Variants in COL21A1 observed in about 807,000 individuals in gnomAD.
The protein encoded by COL21A1 is collagen type XXI alpha 1 chain, also known as collagen alpha-1(XXI) chain.
In COL21A1, 149 loss-of-function variants were observed where a neutral mutation model predicts 137.9. The ratio of observed to expected loss-of-function variants is 1.08; its 90% CI spans 0.95 to 1.24. The LOEUF is 1.24. Ranked by LOEUF, COL21A1 falls within the 50% of genes most tolerant of loss-of-function variation. The pLI is 0.00. For missense variants in COL21A1, 1,167 were observed against 1,158.4 expected (o/e 1.01, Z -0.11); for synonymous variants, 456 against 391.5 (o/e 1.16, Z -1.95).
chr6:56,254,532 G>T (rs1782924658), intron 1 of COL21A1, among the ~76,000 whole-genome samples: 1 of 152,144 alleles, frequency 6.6e-6, no homozygotes, highest in Admixed American at 6.5e-5. Flanking sequence ...AACAGGCTGG[G>T]ATCAATAACA....
Position 56,061,013 on chromosome 6 carries a change from C to A in COL21A1, c.2230G>T (p.Val744Phe). The change falls in exon 26 of 30, where the codon GTC (valine) becomes TTC (phenylalanine). Residue 744 changes from valine (V) to phenylalanine (F), a missense_variant. Coordinates refer to ENST00000244728, the MANE Select transcript of COL21A1 (RefSeq NM_030820.4). ...GERGEKGEPG[V>F]RGAIGSKGES... ...CCTTTTGATCCAATGGCACCTCGGA[C>A]ACCAGGTTCTCCCTTTTCACCTCTC... 1.2e-6 allele frequency: 2 copies of A among 1,607,044 alleles called. No individual in the cohort carries two copies. Among genetic ancestry groups the A allele is most frequent in the Non-Finnish European group, 1.7e-6 (2 of 1,177,578 alleles).
chr6:56,317,499 T>G (rs1021025327), intron 1 of COL21A1, among the ~76,000 whole-genome samples: 1 of 152,130 alleles, frequency 6.6e-6, no homozygotes, highest in Non-Finnish European at 1.5e-5. Flanking sequence ...CTCTCATAAC[T>G]TTTAGAAATT....
At chr6:56,148,270 T>A (rs1303389639) in intron 10 of COL21A1, among the ~76,000 whole-genome samples, 2 of 150,842 alleles carry the variant, frequency 1.3e-5, no homozygotes, top group Non-Finnish European at 2.9e-5. Flanking sequence ...AGCAATAAAC[T>A]GCCCAAGGGT....
chr6:56,390,293 T>C (rs1395753373), intron 1 of COL21A1, among the ~76,000 whole-genome samples: 1 of 152,152 alleles, frequency 6.6e-6, no homozygotes, highest in African/African-American at 2.4e-5. Context: ...TAAGATGTTA[T>C]TTGCAAGCCT....
intron 16 of COL21A1, among the ~76,000 whole-genome samples, chr6:56,113,104 G>C (rs1771596175): frequency 6.6e-6 from 1 of 152,204 alleles, no homozygotes; most frequent in Non-Finnish European, 1.5e-5. Context: ...AAGTAAACTT[G>C]AAAGGGAGCC....
chr6:56,162,762 A>G (rs1440520094), intron 9 of COL21A1, among the ~76,000 whole-genome samples: 1 of 152,244 alleles, frequency 6.6e-6, no homozygotes, highest in Non-Finnish European at 1.5e-5. Context: ...TTATATGAAC[A>G]TATATATTTT....
At chr6:56,260,685 A>C (rs374125382) in intron 1 of COL21A1, among the ~76,000 whole-genome samples, 16,413 of 102,714 alleles carry the variant, frequency 0.16, 1,833 homozygotes, top group East Asian at 0.51. Flanking sequence ...GGAAGGAAGG[A>C]AGGAAGGCAG....
At chr6:56,218,767 G>T (rs2152311047) in intron 1 of COL21A1, among the ~76,000 whole-genome samples, 1 of 152,138 alleles carries the variant, frequency 6.6e-6, no homozygotes, top group Non-Finnish European at 1.5e-5. Flanking sequence ...AACGCATTTG[G>T]CCCAGGAACT....
At chr6:56,285,076 C>A (rs988125661) in intron 1 of COL21A1, among the ~76,000 whole-genome samples, 2 of 152,190 alleles carry the variant, frequency 1.3e-5, no homozygotes, top group Non-Finnish European at 2.9e-5. Flanking sequence ...CCCAATACTT[C>A]TTCCTATCCC....
intron 1 of COL21A1, among the ~76,000 whole-genome samples, chr6:56,240,148 A>G (rs1782195265): frequency 7.3e-6 from 1 of 137,548 alleles, no homozygotes; most frequent in African/African-American, 2.8e-5. Flanking sequence ...TGGAACTGTG[A>G]GTCCATTAAA....
At chr6:56,111,734 C>T (rs1771448275) in intron 16 of COL21A1, among the ~76,000 whole-genome samples, 2 of 150,802 alleles carry the variant, frequency 1.3e-5, no homozygotes, top group African/African-American at 4.9e-5. Flanking sequence ...ATCAGCCATG[C>T]ATGGTGGCAG....
chr6:56,170,744 C>T lies in COL21A1; in HGVS notation c.931G>A (p.Val311Ile), dbSNP rs375201875. The T allele has an allele frequency of 3.1e-6, 5 of 1,608,364 alleles. No individual in the cohort carries two copies. Among genetic ancestry groups the T allele is most frequent in the Non-Finnish European group, 4.2e-6 (5 of 1,176,576 alleles). Residue 311 changes from valine to isoleucine, a missense_variant, in exon 5 of 30, where the codon GTT (valine) becomes ATT (isoleucine). Coordinates refer to ENST00000244728, the MANE Select transcript of COL21A1 (RefSeq NM_030820.4). ...LTIDGRPQIA[V>I]TLNGVDKILL... ...ATTTTGTCCACACCATTTAAGGTAA[C>T]TGCTATTTGTGGCCTTCCATCAATA...
chr6:56,225,607 A>G (rs1005437220), intron 1 of COL21A1, among the ~76,000 whole-genome samples: 12 of 152,088 alleles, frequency 7.9e-5, no homozygotes, highest in African/African-American at 2.4e-4. Flanking sequence ...CAGGTACTCA[A>G]TGAAAAATAA....
At chr6:56,256,661 A>G (rs964772802) in intron 1 of COL21A1, among the ~76,000 whole-genome samples, 1 of 152,038 alleles carries the variant, frequency 6.6e-6, no homozygotes, top group Non-Finnish European at 1.5e-5. Context: ...AAGCCTAATT[A>G]TCTGTTCTCT....
intron 1 of COL21A1, among the ~76,000 whole-genome samples, chr6:56,368,450 G>A (rs6929994): frequency 0.19 from 28,592 of 152,140 alleles, 2,948 homozygotes; most frequent in African/African-American, 0.25. Flanking sequence ...TTCATGCATT[G>A]CAGAGGAAAA....
At chr6:56,320,871 T>A (rs906611335) in intron 1 of COL21A1, among the ~76,000 whole-genome samples, 1 of 152,172 alleles carries the variant, frequency 6.6e-6, no homozygotes, top group Non-Finnish European at 1.5e-5. Context: ...CTTTTGATTT[T>A]TTTTATGACC....
At chr6:56,106,567 A>G in intron 16 of COL21A1, among the ~76,000 whole-genome samples, 1 of 152,198 alleles carries the variant, frequency 6.6e-6, no homozygotes, top group Middle Eastern at 3.2e-3. Context: ...AGAATCTACA[A>G]CTAAGAAGAC....
chr6:56,230,196 C>A (rs2152317604), intron 1 of COL21A1, among the ~76,000 whole-genome samples: 1 of 152,016 alleles, frequency 6.6e-6, no homozygotes, highest in East Asian at 1.9e-4. Flanking sequence ...TATATGGAAA[C>A]ATAACAATTT....
At chr6:56,080,612 T>C (rs529428870) in intron 17 of COL21A1, among the ~76,000 whole-genome samples, 1 of 151,928 alleles carries the variant, frequency 6.6e-6, no homozygotes, top group East Asian at 1.9e-4. Context: ...ATCTATGAAA[T>C]TGGACCATCT....
Sources: allele counts gnomAD v4.1 joint callset (sites outside exome capture counted in the v4.1 genomes callset), GRCh38; gene constraint gnomAD v4.1.1; transcripts MANE v1.5; gene names NCBI Gene and HGNC (gene_info 2026-07-23, HGNC 2026-07-21).